LPP: variants seen among roughly 807,000 people sequenced by gnomAD.
The protein encoded by LPP is LIM domain containing preferred translocation partner in lipoma, also known as lipoma-preferred partner.
LPP carries 38 observed loss-of-function variants against 60.4 expected under a neutral mutation model. That is an observed-to-expected ratio of 0.63 (90% CI 0.49 to 0.83). LPP has a LOEUF of 0.83. Ranked by LOEUF, LPP falls within the 40% of genes least tolerant of loss-of-function variation. LPP has a pLI of 0.00. For synonymous variants in LPP, 328 were observed against 290.8 expected (o/e 1.13, Z -1.30); for missense variants, 902 against 783.6 (o/e 1.15, Z -1.80).
intron 2 of LPP, among the ~76,000 whole-genome samples, chr3:188,313,684 T>C (rs1280561525): frequency 6.6e-6 from 1 of 151,808 alleles, no homozygotes; most frequent in Non-Finnish European, 1.5e-5. Flanking sequence ...GTTCTGTTGA[T>C]ATACTTATGA....
intron 9 of LPP, among the ~76,000 whole-genome samples, chr3:188,849,685 A>G (rs1211824159): frequency 6.6e-6 from 1 of 152,106 alleles, no homozygotes; most frequent in Non-Finnish European, 1.5e-5. Context: ...AAAAAAATCT[A>G]TGCTTTGATT....
chr3:188,387,777 G>A (rs1157805506), intron 3 of LPP, among the ~76,000 whole-genome samples: 2 of 152,064 alleles, frequency 1.3e-5, no homozygotes. Context: ...ATGTTGATAA[G>A]GCTGGTCTTG....
chr3:188,770,234 A>T (rs1363041171), intron 9 of LPP, among the ~76,000 whole-genome samples: 1 of 127,440 alleles, frequency 7.8e-6, no homozygotes. Context: ...GCTGGAGTGC[A>T]GTGGTGCAAT....
chr3:188,281,447 C>T (rs1742002851), intron 2 of LPP, among the ~76,000 whole-genome samples: 1 of 151,356 alleles, frequency 6.6e-6, no homozygotes, highest in Non-Finnish European at 1.5e-5. Context: ...ACTAAAAATA[C>T]AGAAATATTA....
chr3:188,504,701 T>C (rs1343373844), intron 5 of LPP, among the ~76,000 whole-genome samples: 1 of 152,096 alleles, frequency 6.6e-6, no homozygotes, highest in Non-Finnish European at 1.5e-5. Flanking sequence ...TCCCTGGTTA[T>C]GTGCCATGAC....
chr3:188,369,220 C>T (rs1432755109), intron 3 of LPP, among the ~76,000 whole-genome samples: 2 of 151,942 alleles, frequency 1.3e-5, no homozygotes, highest in Non-Finnish European at 2.9e-5. Flanking sequence ...GTGATAGCAA[C>T]AAAAACAGTT....
At chr3:188,214,624 G>T (rs181649504) in intron 1 of LPP, among the ~76,000 whole-genome samples, 1 of 152,180 alleles carries the variant, frequency 6.6e-6, no homozygotes. Context: ...AAGCAAGTGG[G>T]AGGAGGGAAG....
At chr3:188,721,184 A>T (rs1183139817) in intron 8 of LPP, among the ~76,000 whole-genome samples, 1 of 152,072 alleles carries the variant, frequency 6.6e-6, no homozygotes, top group Non-Finnish European at 1.5e-5. Context: ...AACATCTATA[A>T]TTTGATTCTG....
intron 2 of LPP, among the ~76,000 whole-genome samples, chr3:188,231,813 A>G (rs986374021): frequency 1.3e-5 from 2 of 152,212 alleles, no homozygotes; most frequent in Admixed American, 1.3e-4. Context: ...AAATAGGTCA[A>G]AAATTGGAAT....
chr3:188,183,649 G>T (rs903599373), intron 1 of LPP, among the ~76,000 whole-genome samples: 1 of 151,376 alleles, frequency 6.6e-6, no homozygotes, highest in Admixed American at 6.6e-5. Context: ...TAGAACTAAT[G>T]ACCATGATAG....
intron 9 of LPP, among the ~76,000 whole-genome samples, chr3:188,813,325 A>G (rs919138301): frequency 3.3e-5 from 5 of 152,286 alleles, no homozygotes; most frequent in Admixed American, 6.5e-5. Flanking sequence ...TATTTGATGT[A>G]TGCTTTATTC....
At chr3:188,804,183 T>G (rs1012072130) in intron 9 of LPP, among the ~76,000 whole-genome samples, 121 of 139,162 alleles carry the variant, frequency 8.7e-4, no homozygotes, top group African/African-American at 3.1e-3. Flanking sequence ...TTCTAGTAGC[T>G]TTTTTTTTAT....
At chr3:188,426,527 G>C (rs1206202093) in intron 4 of LPP, among the ~76,000 whole-genome samples, 1 of 152,138 alleles carries the variant, frequency 6.6e-6, no homozygotes, top group Non-Finnish European at 1.5e-5. Context: ...CTGTCTCGTT[G>C]ATCTGTCTAA....
chr3:188,416,285 A>C (rs1786252534), intron 4 of LPP, among the ~76,000 whole-genome samples: 1 of 152,224 alleles, frequency 6.6e-6, no homozygotes. Context: ...AAAGCTGGCC[A>C]GTCATCAGAA....
rs1773149366 is a variant in LPP, at chr3:188,371,633, ATATATATATTTTTTTTTTT to A, written c.-10+29916_-10+29934del. ...GGTGGGAAAATATATATATATATAT[ATATATATATTTTTTTTTTT>A]TTTTTTTTTTTTTTTTTTTGAGATG... On this transcript the variant is annotated intron_variant, in intron 3 of 11. Transcript: ENST00000617246. Among the ~76,000 whole-genome samples the A allele has an allele frequency of 1.4e-4, 4 of 28,714 alleles. No individual in the cohort carries two copies. In the South Asian group the frequency reaches 9.3e-3, roughly 67 times the overall value. 18.8% of individuals were successfully genotyped at this position (28,714 alleles called of 152,430 possible). A position where few individuals can be genotyped will look rare whatever the true frequency, so the allele number is the denominator to read the frequency against.
intron 3 of LPP, among the ~76,000 whole-genome samples, chr3:188,373,266 CCTGAGGAATCGCCACACTGA>C: frequency 6.6e-6 from 1 of 152,234 alleles, no homozygotes; most frequent in African/African-American, 2.4e-5. Context: ...GTTCTAGATC[CCTGAGGAATCGCCACACTGA>C]CTTCCACAAT....
chr3:188,247,388 C>A (rs1727356492), intron 2 of LPP, among the ~76,000 whole-genome samples: 1 of 151,992 alleles, frequency 6.6e-6, no homozygotes, highest in Non-Finnish European at 1.5e-5. Context: ...GTTGTCAAAA[C>A]TAATACTTGT....
intron 1 of LPP, among the ~76,000 whole-genome samples, chr3:188,167,300 C>A (rs756182571): frequency 1.3e-5 from 2 of 152,152 alleles, no homozygotes; most frequent in Non-Finnish European, 2.9e-5. Context: ...GAGCTCGAGA[C>A]CAACCTAGCC....
chr3:188,749,402 G>A (rs906736962), intron 8 of LPP, among the ~76,000 whole-genome samples: 1 of 152,094 alleles, frequency 6.6e-6, no homozygotes, highest in East Asian at 1.9e-4. Flanking sequence ...GTTTGGAATG[G>A]CTACTTTCTA....
Sources: allele counts gnomAD v4.1 joint callset (sites outside exome capture counted in the v4.1 genomes callset), GRCh38; gene constraint gnomAD v4.1.1; transcripts MANE v1.5; gene names NCBI Gene and HGNC (gene_info 2026-07-23, HGNC 2026-07-21).